The following DLG2 variants were observed in gnomAD, a reference collection of about 807,000 sequenced individuals.
DLG2 encodes the protein discs large MAGUK scaffold protein 2, also known as disks large homolog 2.
Under a neutral mutation model 132.5 loss-of-function variants are expected in DLG2, and 45 were observed. That is an observed-to-expected ratio of 0.34 (90% CI 0.27 to 0.44). The LOEUF (loss-of-function observed/expected upper bound fraction) is 0.44, where lower values mean the gene tolerates loss of function less well. Ranked by LOEUF, DLG2 falls within the 20% of genes least tolerant of loss-of-function variation. DLG2 has a pLI of 1.00. For missense variants in DLG2, 1,045 were observed against 1,196.9 expected (o/e 0.87, Z 1.87); for synonymous variants, 424 against 419.6 (o/e 1.01, Z -0.13).
chr11:83,836,987 C>T (rs2056349275), intron 16 of DLG2, among the ~76,000 whole-genome samples: 1 of 152,162 alleles, frequency 6.6e-6, no homozygotes, highest in African/African-American at 2.4e-5. Flanking sequence ...AGAAGTTCAG[C>T]TCCGCGCTTG....
intron 7 of DLG2, among the ~76,000 whole-genome samples, chr11:84,304,635 GTAA>G (rs2098195278): frequency 2.0e-5 from 3 of 152,140 alleles, no homozygotes; most frequent in African/African-American, 7.2e-5. Context: ...CAGACAATAT[GTAA>G]ACAAATAAGC....
chr11:84,589,775 T>C (rs2099538584), intron 6 of DLG2, among the ~76,000 whole-genome samples: 1 of 152,176 alleles, frequency 6.6e-6, no homozygotes, highest in South Asian at 2.1e-4. Context: ...TGGCACAAGA[T>C]TTTTCATACT....
intron 11 of DLG2, among the ~76,000 whole-genome samples, chr11:84,008,923 G>GT (rs548165150): frequency 0.019 from 2,674 of 138,554 alleles, 32 homozygotes; most frequent in Non-Finnish European, 0.026. Context: ...ATTTTTTCTT[G>GT]TTTTTTTTTT....
intron 6 of DLG2, among the ~76,000 whole-genome samples, chr11:84,784,337 TAAA>T (rs1268737949): frequency 2.8e-5 from 4 of 144,944 alleles, no homozygotes; most frequent in Non-Finnish European, 6.0e-5. Context: ...AATAAATAAA[TAAA>T]TAAATAAATA....
At chr11:85,271,054 G>T (rs562029250) in intron 4 of DLG2, among the ~76,000 whole-genome samples, 11 of 152,322 alleles carry the variant, frequency 7.2e-5, no homozygotes, top group African/African-American at 2.6e-4. Flanking sequence ...AATGTCTCCA[G>T]GGTATGTCAG....
chr11:83,490,227 TAAAC>T (rs146560197), intron 21 of DLG2, among the ~76,000 whole-genome samples: 28,587 of 151,234 alleles, frequency 0.19, 2,838 homozygotes, highest in Middle Eastern at 0.21. Flanking sequence ...ACAAAACAAA[TAAAC>T]AAAACCTAAA....
chr11:84,938,769 T>G (rs1295425142), intron 6 of DLG2, among the ~76,000 whole-genome samples: 1 of 152,154 alleles, frequency 6.6e-6, no homozygotes, highest in Non-Finnish European at 1.5e-5. Context: ...TGTCTAACTG[T>G]GAGTACACAG....
chr11:83,958,851 G>T (rs1041127708), intron 14 of DLG2, among the ~76,000 whole-genome samples: 1 of 152,002 alleles, frequency 6.6e-6, no homozygotes. Context: ...ATATACATGG[G>T]CTCTAAATCT....
At chr11:83,603,135 A>G (rs1027082156) in intron 19 of DLG2, among the ~76,000 whole-genome samples, 3 of 152,062 alleles carry the variant, frequency 2.0e-5, no homozygotes, top group Non-Finnish European at 4.4e-5. Flanking sequence ...TCGCATATTC[A>G]ATAAATCATA....
At chr11:85,622,798 G>T (rs1411557118) in intron 2 of DLG2, among the ~76,000 whole-genome samples, 1 of 152,124 alleles carries the variant, frequency 6.6e-6, no homozygotes, top group Non-Finnish European at 1.5e-5. Context: ...ACTGGCTCAT[G>T]CCTGTAATCC....
At chr11:83,885,212 G>A (rs1414613860) in intron 15 of DLG2, among the ~76,000 whole-genome samples, 3 of 152,144 alleles carry the variant, frequency 2.0e-5, no homozygotes, top group Admixed American at 6.5e-5. Flanking sequence ...AAATTTAGAC[G>A]AATGTATAAC....
In DLG2 at chr11:85,505,310, A is replaced by C. The variant is rs1177325936; in HGVS notation, c.40+93347T>G. ...CCCTGTCTTGCACCAGTTTTCAAAG[A>C]GAATGCTTCCAGTTTTTGCCCATTT... On this transcript the variant is annotated intron_variant, in intron 3 of 27. Coordinates refer to ENST00000376104, the MANE Select transcript of DLG2 (RefSeq NM_001142699.3). 1.3e-5 allele frequency among the ~76,000 whole-genome samples: 2 copies of C among 152,094 alleles called. 1 individual carries two copies. The highest frequency in any genetic ancestry group is 4.1e-4 in the South Asian group (2 of 4,830).
intron 6 of DLG2, among the ~76,000 whole-genome samples, chr11:84,798,375 C>A (rs2074942163): frequency 6.6e-6 from 1 of 152,154 alleles, no homozygotes; most frequent in African/African-American, 2.4e-5. Context: ...ACTAAGCTGG[C>A]CCTCAAACAA....
At chr11:84,608,641 G>GT (rs1384294890) in intron 6 of DLG2, among the ~76,000 whole-genome samples, 2 of 152,150 alleles carry the variant, frequency 1.3e-5, no homozygotes, top group Non-Finnish European at 2.9e-5. Context: ...TCAGGGCCCA[G>GT]TTTTTTGCCG....
chr11:85,529,922 A>C (rs2153190430), intron 3 of DLG2, among the ~76,000 whole-genome samples: 1 of 152,158 alleles, frequency 6.6e-6, no homozygotes, highest in Admixed American at 6.5e-5. Context: ...ATTTTCTTTA[A>C]ACCAATTTAC....
intron 6 of DLG2, among the ~76,000 whole-genome samples, chr11:84,548,017 A>C (rs1471069808): frequency 6.6e-6 from 1 of 152,190 alleles, no homozygotes; most frequent in Non-Finnish European, 1.5e-5. Context: ...AAATTGGTTT[A>C]TGTTGTGTAG....
Position 84,652,172 on chromosome 11 carries a change from G to A in DLG2, c.358-117441C>T, listed in dbSNP as rs1235781856. Among the ~76,000 whole-genome samples, 9 of 152,246 alleles carry A rather than the reference G, an allele frequency of 5.9e-5. No homozygotes were observed. The East Asian group carries it at 9.7e-4, about 16-fold the overall frequency. On this transcript the variant is annotated intron_variant, in intron 6 of 27. Coordinates refer to ENST00000376104, the MANE Select transcript of DLG2 (RefSeq NM_001142699.3). The stretch of plus-strand genomic sequence containing the variant: ...TCCTGGAAGAGTAAATATTGTAAAC[G>A]TGTCACTTCTTTCCAAAGTTTGTCA...
chr11:85,282,804 C>G (rs1199568918), intron 4 of DLG2, among the ~76,000 whole-genome samples: 2 of 151,934 alleles, frequency 1.3e-5, no homozygotes, highest in Non-Finnish European at 1.5e-5. Context: ...CATTGCAGCA[C>G]TATTCACAAT....
chr11:84,901,647 C>G (rs760214111), intron 6 of DLG2, among the ~76,000 whole-genome samples: 29 of 151,964 alleles, frequency 1.9e-4, no homozygotes, highest in Non-Finnish European at 4.3e-4. Context: ...TAGATACTCC[C>G]TTATATTAAT....
Sources: gnomAD v4.1 joint callset for allele counts (sites outside exome capture counted in the v4.1 genomes callset) on GRCh38, gnomAD v4.1.1 for gene constraint, MANE v1.5 for transcripts, NCBI Gene and HGNC (gene_info 2026-07-23, HGNC 2026-07-21) for gene names.